CDH18: variants seen among roughly 807,000 people sequenced by gnomAD.
CDH18 encodes cadherin 18.
Under a neutral mutation model 67.9 loss-of-function variants are expected in CDH18, and 31 were observed. That is an observed-to-expected ratio of 0.46 (90% CI 0.34 to 0.62). The LOEUF is 0.62. CDH18 is among the 20% of genes least tolerant of loss of function. The pLI, the probability that CDH18 is intolerant of heterozygous loss-of-function variation, is 0.01. For missense variants in CDH18, 890 were observed against 975.5 expected (o/e 0.91, Z 1.17); for synonymous variants, 362 against 347.2 (o/e 1.04, Z -0.48).
rs557150344 is a variant in CDH18 at position 20,328,706 on chromosome 5, C to T, written c.-579-73201G>A. The stretch of plus-strand genomic sequence containing the variant: ...CCTGCCTCAATCACTTTTTGATTCC[C>T]ATACCGGGTCAGGCATGGTGGCTCA... On this transcript the variant is annotated intron_variant, in intron 1 of 14. Transcript: ENST00000507958. Among the ~76,000 whole-genome samples, 624 of 152,212 alleles carry T rather than the reference C, an allele frequency of 4.1e-3. 1 individual carries two copies. Among genetic ancestry groups the T allele is most frequent in the Non-Finnish European group, 6.8e-3 (464 of 68,002 alleles).
chr5:19,695,087 C>T (rs565031575), intron 5 of CDH18, among the ~76,000 whole-genome samples: 18 of 152,116 alleles, frequency 1.2e-4, no homozygotes, highest in African/African-American at 2.6e-4. Flanking sequence ...TGGGATCACA[C>T]GAGTTTTTTC....
At chr5:20,214,480 C>T (rs977035185) in intron 2 of CDH18, among the ~76,000 whole-genome samples, 2 of 151,920 alleles carry the variant, frequency 1.3e-5, no homozygotes, top group African/African-American at 2.4e-5. Flanking sequence ...TAGTACTGTA[C>T]AAAAACATAC....
chr5:19,774,730 G>C (rs1390990804), intron 3 of CDH18, among the ~76,000 whole-genome samples: 1 of 139,018 alleles, frequency 7.2e-6, no homozygotes, highest in Non-Finnish European at 1.5e-5. Context: ...GCTGAGACAG[G>C]AGAATTGAAG....
At chr5:20,082,560 T>C (rs1175197810) in intron 2 of CDH18, among the ~76,000 whole-genome samples, 1 of 152,174 alleles carries the variant, frequency 6.6e-6, no homozygotes, top group East Asian at 1.9e-4. Context: ...TTTGGTCCTT[T>C]GATTTAGTTA....
At chr5:19,903,128 A>C (rs935096397) in intron 2 of CDH18, among the ~76,000 whole-genome samples, 3 of 152,034 alleles carry the variant, frequency 2.0e-5, no homozygotes, top group African/African-American at 7.2e-5. Flanking sequence ...CTTGTACAAA[A>C]CTTAGACAAG....
intron 2 of CDH18, among the ~76,000 whole-genome samples, chr5:20,192,021 T>C (rs892435737): frequency 6.6e-5 from 10 of 152,080 alleles, no homozygotes; most frequent in African/African-American, 2.2e-4. Context: ...TCAGCACCTA[T>C]GGTTTCCTGA....
intron 1 of CDH18, among the ~76,000 whole-genome samples, chr5:20,308,167 G>T: frequency 6.7e-6 from 1 of 148,274 alleles, no homozygotes; most frequent in East Asian, 2.0e-4. Flanking sequence ...AAATTGCAAC[G>T]GGTGGAAAGT....
At chr5:19,684,314 A>T (rs1470201727) in intron 5 of CDH18, among the ~76,000 whole-genome samples, 1 of 151,650 alleles carries the variant, frequency 6.6e-6, no homozygotes, top group Non-Finnish European at 1.5e-5. Flanking sequence ...TAATTTATAC[A>T]TTTTTCTACC....
intron 2 of CDH18, among the ~76,000 whole-genome samples, chr5:19,996,410 T>C (rs1736024026): frequency 6.6e-6 from 1 of 152,084 alleles, no homozygotes; most frequent in African/African-American, 2.4e-5. Flanking sequence ...AACAATGATT[T>C]AATGAACATC....
intron 2 of CDH18, among the ~76,000 whole-genome samples, chr5:19,946,980 AT>A (rs1467260719): frequency 1.3e-5 from 2 of 152,170 alleles, no homozygotes; most frequent in Non-Finnish European, 2.9e-5. Flanking sequence ...AAAGAAAAAA[AT>A]TATTTACAAT....
intron 2 of CDH18, among the ~76,000 whole-genome samples, chr5:20,145,525 T>A (rs1481091941): frequency 6.6e-6 from 1 of 152,150 alleles, no homozygotes; most frequent in Non-Finnish European, 1.5e-5. Flanking sequence ...GAGTTTTTGT[T>A]TTTTGCTTCA....
At chr5:19,967,393 GT>G (rs1797562330) in intron 2 of CDH18, among the ~76,000 whole-genome samples, 1 of 152,046 alleles carries the variant, frequency 6.6e-6, no homozygotes, top group Non-Finnish European at 1.5e-5. Flanking sequence ...GATGAAACCT[GT>G]TTTACTGAGT....
At chr5:19,478,834 C>T (rs1371162136) in intron 12 of CDH18, among the ~76,000 whole-genome samples, 2 of 152,180 alleles carry the variant, frequency 1.3e-5, no homozygotes, top group African/African-American at 4.8e-5. Context: ...AGGATTTCAG[C>T]TACCTCTACT....
At chr5:20,007,672 A>AGTGT (rs145213048) in intron 2 of CDH18, among the ~76,000 whole-genome samples, 11,466 of 140,112 alleles carry the variant, frequency 0.082, 580 homozygotes, top group Non-Finnish European at 0.12. Flanking sequence ...GTGTGTGGAA[A>AGTGT]GTGTGTGTGT....
intron 10 of CDH18, among the ~76,000 whole-genome samples, chr5:19,506,941 A>G (rs1315013067): frequency 1.3e-5 from 2 of 152,234 alleles, no homozygotes; most frequent in African/African-American, 2.4e-5. Context: ...GCACAGTGAA[A>G]GAAACTACCA....
At chr5:20,072,270 T>C (rs1293543475) in intron 2 of CDH18, among the ~76,000 whole-genome samples, 1 of 152,042 alleles carries the variant, frequency 6.6e-6, no homozygotes, top group Non-Finnish European at 1.5e-5. Context: ...CATTAAATGA[T>C]CCACTCCAAG....
intron 5 of CDH18, among the ~76,000 whole-genome samples, chr5:19,651,415 A>G (rs1437266531): frequency 6.6e-6 from 1 of 152,104 alleles, no homozygotes; most frequent in Non-Finnish European, 1.5e-5. Context: ...ATTATTAAAG[A>G]TATCATAACA....
At chr5:20,062,140 A>AATTATTATTATTAT (rs1554085583) in intron 2 of CDH18, among the ~76,000 whole-genome samples, 1 of 137,930 alleles carries the variant, frequency 7.3e-6, no homozygotes, top group Non-Finnish European at 1.5e-5. Flanking sequence ...TTAAGCCCAG[A>AATTATTATTATTAT]ATTATTATTA....
chr5:20,481,871 T>A (rs1171795514), intron 1 of CDH18, among the ~76,000 whole-genome samples: 1 of 150,920 alleles, frequency 6.6e-6, no homozygotes, highest in African/African-American at 2.4e-5. Context: ...CAAATGCAAA[T>A]CCTAATAATG....
Sources: gnomAD v4.1 joint callset for allele counts (sites outside exome capture counted in the v4.1 genomes callset) on GRCh38, gnomAD v4.1.1 for gene constraint, MANE v1.5 for transcripts, NCBI Gene and HGNC (gene_info 2026-07-23, HGNC 2026-07-21) for gene names.